The following TET3 variants were observed in gnomAD, a reference collection of about 807,000 sequenced individuals.
The protein encoded by TET3 is tet methylcytosine dioxygenase 3, also known as methylcytosine dioxygenase TET3.
Under a neutral mutation model 141.4 loss-of-function variants are expected in TET3, and 19 were observed. The ratio of observed to expected loss-of-function variants is 0.13; its 90% CI spans 0.09 to 0.20. The LOEUF (loss-of-function observed/expected upper bound fraction) is 0.20. Ranked by LOEUF, TET3 falls within the 10% of genes least tolerant of loss-of-function variation. The probability of loss-of-function intolerance (pLI) is 1.00; values close to 1 mark genes in which losing one functional copy is unlikely to be tolerated. For missense variants in TET3, 1,874 were observed against 2,356.9 expected, an observed-to-expected ratio of 0.80 and a Z score of 4.24; for synonymous variants, 1,043 against 980.9, an observed-to-expected ratio of 1.06 and a Z score of -1.18.
chr2:74,092,802 A>G, intron 8 of TET3, 100 bp from the exon 9 acceptor site: 1 of 1,032,118 alleles, frequency 9.7e-7, no homozygotes, highest in Non-Finnish European at 1.5e-6. Context: ...CCTCCCTCCC[A>G]GCCTCCCCCA....
the TET3 span, among the ~76,000 whole-genome samples, chr2:74,130,382 C>A: frequency 6.6e-6 from 1 of 152,182 alleles, no homozygotes; most frequent in Admixed American, 6.5e-5. Flanking sequence ...CCTAGCATAG[C>A]CCGACCAGCA....
In TET3 at chr2:74,093,624, C is replaced by T. The variant is rs200467099; in HGVS notation, c.3225C>T (p.His1075=). The T allele has an allele frequency of 2.4e-4, 393 of 1,613,572 alleles. 1 individual carries two copies. The African/African-American group carries it at 4.5e-3, about 18-fold the overall frequency. The stretch of plus-strand genomic sequence containing the variant: ...CGGCCTGCATGGACTTCTGTGCCCA[C>T]GCCCACAAGGACCAGCATAACCTCT... ...GVTACMDFCA[H]AHKDQHNLYN... is the part of the protein sequence containing the mutation. Residue 1075 remains histidine, a synonymous_variant, in exon 10 of 12, where the codon CAC becomes CAT. Coordinates refer to ENST00000409262, the MANE Select transcript of TET3 (RefSeq NM_001287491.2). This position sits in a 1 kb window ranked among gnomAD's most constrained non-coding sequence, Gnocchi z 4.2.
intron 4 of TET3, among the ~76,000 whole-genome samples, chr2:74,058,352 A>T (rs1330748533): frequency 6.6e-6 from 1 of 152,202 alleles, no homozygotes; most frequent in Non-Finnish European, 1.5e-5. Flanking sequence ...GTTCTCGGCG[A>T]ACAGTGTGGA....
intron 3 of TET3, among the ~76,000 whole-genome samples, chr2:74,043,553 G>C (rs977913404): frequency 2.0e-5 from 3 of 152,210 alleles, no homozygotes; most frequent in Non-Finnish European, 4.4e-5. Flanking sequence ...CTATGTAGTA[G>C]GTAGGGGAAG....
intron 6 of TET3, 83 bp downstream of exon 6, chr2:74,080,674 C>G: frequency 2.6e-6 from 3 of 1,169,144 alleles, no homozygotes; most frequent in South Asian, 2.9e-5. Flanking sequence ...GTTCCCCTTG[C>G]TGCATGTAGC....
intron 4 of TET3, among the ~76,000 whole-genome samples, chr2:74,062,413 T>G: frequency 6.6e-6 from 1 of 152,234 alleles, no homozygotes; most frequent in Non-Finnish European, 1.5e-5. Context: ...TGACAGTTAT[T>G]TTTCTAAAAC....
At chr2:74,015,204 A>C (rs909644889) in intron 3 of TET3, among the ~76,000 whole-genome samples, 2 of 152,214 alleles carry the variant, frequency 1.3e-5, no homozygotes, top group African/African-American at 2.4e-5. Flanking sequence ...CGTGATGGTC[A>C]GGAGAAAGGG....
downstream of TET3, among the ~76,000 whole-genome samples, chr2:74,110,285 CCCTG>C (rs1691670213): frequency 6.6e-6 from 1 of 152,192 alleles, no homozygotes; most frequent in South Asian, 2.1e-4. Flanking sequence ...AACCCACTCT[CCCTG>C]CCTATTTTGA....
Position 74,102,192 on chromosome 2 carries a change from C to T in TET3, c.*16C>T, listed in dbSNP as rs1170320236. 16 of 1,426,836 alleles carry T rather than the reference C, an allele frequency of 1.1e-5. No individual in the cohort carries two copies. Among genetic ancestry groups the T allele is most frequent in the Middle Eastern group, 3.9e-4 (2 of 5,152 alleles). The allele number at this position is 1,426,836 out of a possible 1,614,324, so 88.4% of individuals were successfully genotyped here. ...CTGGATCTAGGTGCCAGGGAGCCAG[C>T]GTACCTCAGCGTCGGGCCTGGCCCG... On this transcript the variant is annotated 3_prime_UTR_variant, in exon 12 of 12. Coordinates refer to ENST00000409262, the MANE Select transcript of TET3 (RefSeq NM_001287491.2).
At chr2:73,990,728 C>T (rs1198364757) in intron 2 of TET3, among the ~76,000 whole-genome samples, 1 of 152,192 alleles carries the variant, frequency 6.6e-6, no homozygotes, top group African/African-American at 2.4e-5. Flanking sequence ...AGATCTCTGC[C>T]AGATTTGAGT....
chr2:74,114,329 G>A, the TET3 span, among the ~76,000 whole-genome samples: 1 of 151,932 alleles, frequency 6.6e-6, no homozygotes, highest in African/African-American at 2.4e-5. Flanking sequence ...GGAGGATAAG[G>A]GATAAAATAC....
chr2:74,042,360 G>A (rs1687382734), intron 3 of TET3, among the ~76,000 whole-genome samples: 1 of 152,202 alleles, frequency 6.6e-6, no homozygotes, highest in Non-Finnish European at 1.5e-5. Context: ...GTGTGGAGTG[G>A]GGAAGCTGGG....
At chr2:74,088,775 C>T (rs1690306961) in intron 7 of TET3, among the ~76,000 whole-genome samples, 1 of 152,036 alleles carries the variant, frequency 6.6e-6, no homozygotes. Flanking sequence ...TACCTACCAC[C>T]ACCACAATTA....
At chr2:74,019,717 C>T (rs1685928963) in intron 3 of TET3, among the ~76,000 whole-genome samples, 1 of 152,236 alleles carries the variant, frequency 6.6e-6, no homozygotes, top group African/African-American at 2.4e-5. Flanking sequence ...GCAGCCCTGG[C>T]TCCAGGCCCT....
intron 4 of TET3, among the ~76,000 whole-genome samples, chr2:74,063,637 C>A (rs1465765978): frequency 6.6e-6 from 1 of 151,978 alleles, no homozygotes; most frequent in Non-Finnish European, 1.5e-5. Flanking sequence ...AATGTGATTG[C>A]TAAGGGATGG....
the TET3 span, chr2:74,123,321 A>C: frequency 1.3e-5 from 2 of 152,308 alleles, no homozygotes; most frequent in Non-Finnish European, 2.9e-5. Flanking sequence ...ACTCTGTCTC[A>C]ATGAATAAAT....
At chr2:74,032,397 C>T (rs1355218512) in intron 3 of TET3, among the ~76,000 whole-genome samples, 1 of 95,068 alleles carries the variant, frequency 1.1e-5, no homozygotes. Context: ...GGCCATGGGA[C>T]GTGCACCATG....
chr2:74,100,453 C>T lies in TET3; in HGVS notation c.3665C>T (p.Pro1222Leu), dbSNP rs368750647. The change falls in exon 12 of 12, where the codon CCG becomes CTG. Residue 1222 changes from proline to leucine, a missense_variant. Around this residue, in one of 10 missense-constraint regions of TET3, gnomAD observed 602 missense variants for 590.2 expected, o/e 1.02. Transcript: ENST00000409262. ...QGLKPSLKVEPQNHFSSFKYS... is the reference protein window; with the variant it reads ...QGLKPSLKVELQNHFSSFKYS... ...CTGAAGCCCTCCCTCAAGGTGGAGC[C>T]GCAGAACCACTTCAGCTCCTTCAAG... 12 of 1,583,408 alleles carry T rather than the reference C, an allele frequency of 7.6e-6. No homozygotes were observed. The highest frequency in any genetic ancestry group is 3.6e-5 in the Admixed American group (2 of 55,300).
intron 3 of TET3, among the ~76,000 whole-genome samples, chr2:74,013,672 C>T (rs1157210697): frequency 1.3e-5 from 2 of 151,898 alleles, no homozygotes; most frequent in Non-Finnish European, 2.9e-5. Flanking sequence ...ATTAGCCGGG[C>T]GTGGTGGCGG....
Sources: gnomAD v4.1 joint callset for allele counts (sites outside exome capture counted in the v4.1 genomes callset) on GRCh38, gnomAD v4.1.1 for gene constraint, gnomAD v4.1.1 regional missense constraint, Gnocchi (gnomAD v3.1) non-coding constraint, MANE v1.5 for transcripts, NCBI Gene and HGNC (gene_info 2026-07-23, HGNC 2026-07-21) for gene names.